The following NRG1 variants were observed in gnomAD, a reference collection of about 807,000 sequenced individuals.
NRG1 encodes the protein pro-neuregulin-1, membrane-bound isoform.
A neutral mutation model predicts 63.8 loss-of-function variants in NRG1; 18 were observed. The ratio of observed to expected loss-of-function variants is 0.28; its 90% CI spans 0.19 to 0.42. NRG1 has a LOEUF of 0.42. Among genes scored for constraint, NRG1 ranks in the 10% least tolerant of loss-of-function variants. The pLI, the probability that NRG1 is intolerant of heterozygous loss-of-function variation, is 1.00. For missense variants in NRG1, 762 were observed against 814.7 expected (o/e 0.94, Z 0.79); for synonymous variants, 302 against 301.3 (o/e 1.00, Z -0.02).
At chr8:32,736,471 A>G (rs1203859580) in intron 6 of NRG1, among the ~76,000 whole-genome samples, 2 of 152,226 alleles carry the variant, frequency 1.3e-5, no homozygotes, top group Admixed American at 6.5e-5. Flanking sequence ...ACAGAGAGAG[A>G]GCAAAGGCTT....
At chr8:32,007,397 A>T (rs770468099) in intron 1 of NRG1, among the ~76,000 whole-genome samples, 9 of 152,044 alleles carry the variant, frequency 5.9e-5, no homozygotes, top group Non-Finnish European at 1.3e-4. Flanking sequence ...ATCCTCTCTA[A>T]ATATCTACTG....
intron 1 of NRG1, among the ~76,000 whole-genome samples, chr8:32,443,082 A>G (rs1376750645): frequency 6.6e-6 from 1 of 151,980 alleles, no homozygotes; most frequent in Non-Finnish European, 1.5e-5. Flanking sequence ...CTACAAGTGG[A>G]TGCCACCATG....
At chr8:32,739,527 ATT>A (rs1479962540) in intron 6 of NRG1, among the ~76,000 whole-genome samples, 1 of 152,160 alleles carries the variant, frequency 6.6e-6, no homozygotes, top group Non-Finnish European at 1.5e-5. Flanking sequence ...TTTCCGTATG[ATT>A]TTATGATAGA....
chr8:32,508,511 C>A (rs980545696), intron 1 of NRG1, among the ~76,000 whole-genome samples: 1 of 151,318 alleles, frequency 6.6e-6, no homozygotes, highest in Non-Finnish European at 1.5e-5. Flanking sequence ...GTTGGCCAGG[C>A]TGGTCTTGAA....
exon 12 of NRG1, chr8:32,764,100 C>T (rs746595961): frequency 3.8e-5 from 61 of 1,614,000 alleles, no homozygotes; most frequent in Non-Finnish European, 4.9e-5. Flanking sequence ...TGTTAAGAAA[C>T]TCGCCAATAG....
chr8:31,887,398 A>G (rs1293574722), intron 1 of NRG1, among the ~76,000 whole-genome samples: 1 of 152,076 alleles, frequency 6.6e-6, no homozygotes, highest in Non-Finnish European at 1.5e-5. Context: ...TTCAGTTATT[A>G]TTATTTGAGC....
intron 1 of NRG1, among the ~76,000 whole-genome samples, chr8:32,137,246 GAC>G (rs1011362065): frequency 2.6e-5 from 4 of 152,084 alleles, no homozygotes; most frequent in African/African-American, 9.7e-5. Context: ...ACGAGTTCAA[GAC>G]CAGCCTGGCC....
chr8:32,088,235 T>G lies in NRG1; in HGVS notation c.37+448804T>G, dbSNP rs564800662. Among the ~76,000 whole-genome samples the G allele has an allele frequency of 3.7e-4, 56 of 152,332 alleles. No individual in the cohort carries two copies. The South Asian group carries it at 0.01, about 28-fold the overall frequency. On this transcript the variant is annotated intron_variant, in intron 1 of 10. Transcript: ENST00000519301. ...ATAAAAGCTCCAAAGCCAGGAACTA[T>G]ATCTTCCTCACTTCCTCATTCTCCA...
intron 5 of NRG1, among the ~76,000 whole-genome samples, chr8:32,654,252 T>A (rs1855786966): frequency 1.3e-5 from 2 of 152,216 alleles, no homozygotes; most frequent in South Asian, 4.1e-4. Flanking sequence ...TTATCATAAT[T>A]TAAAAGATTT....
intron 1 of NRG1, among the ~76,000 whole-genome samples, chr8:32,456,934 C>T (rs1821668347): frequency 1.3e-5 from 2 of 152,090 alleles, no homozygotes. Flanking sequence ...GAGTTCGAGA[C>T]CAGCCTGGCC....
rs138829389 is a variant in NRG1, at chr8:31,866,461, A to C, written c.37+227030A>C. Among the ~76,000 whole-genome samples, 45 of 152,256 alleles carry C rather than the reference A, an allele frequency of 3.0e-4. 1 individual carries two copies. The East Asian group carries it at 8.5e-3, about 29-fold the overall frequency. On this transcript the variant is annotated intron_variant, in intron 1 of 10. Transcript: ENST00000519301. ...TATTAAATACAGCTTGGGGGCAAAG[A>C]AGAGGGATACAATTTGTTGACTTTC... is the stretch of plus-strand genomic sequence containing the variant.
intron 1 of NRG1, among the ~76,000 whole-genome samples, chr8:32,163,516 C>T (rs1481743): frequency 0.46 from 69,650 of 152,062 alleles, 17,780 homozygotes; most frequent in Admixed American, 0.58. Context: ...AGAAAAAGAA[C>T]GTGGGGAAAA....
intron 1 of NRG1, among the ~76,000 whole-genome samples, chr8:31,863,240 TA>T (rs1336520258): frequency 6.6e-6 from 1 of 152,234 alleles, no homozygotes; most frequent in Non-Finnish European, 1.5e-5. Context: ...TTGAAAATAC[TA>T]AACATTCTCA....
chr8:32,646,232 C>A (rs1853505824), intron 5 of NRG1, among the ~76,000 whole-genome samples: 1 of 152,132 alleles, frequency 6.6e-6, no homozygotes, highest in Non-Finnish European at 1.5e-5. Flanking sequence ...CAACCCCTCC[C>A]CTAGCACTCC....
intron 1 of NRG1, among the ~76,000 whole-genome samples, chr8:32,095,229 G>A (rs7007662): frequency 0.39 from 59,855 of 151,934 alleles, 12,790 homozygotes; most frequent in African/African-American, 0.54. Flanking sequence ...ATTTTTTGAT[G>A]TCAGTTATGG....
At chr8:32,459,269 T>G (rs1822004689) in intron 1 of NRG1, among the ~76,000 whole-genome samples, 1 of 152,216 alleles carries the variant, frequency 6.6e-6, no homozygotes. Flanking sequence ...TTTGCCTCAC[T>G]GTCTTCTGAT....
intron 1 of NRG1, among the ~76,000 whole-genome samples, chr8:32,497,996 T>C (rs1827413661): frequency 6.6e-6 from 1 of 152,090 alleles, no homozygotes; most frequent in Admixed American, 6.5e-5. Context: ...GCTAATTTTG[T>C]AGTTTTAGTA....
At chr8:31,854,694 T>C (rs1563486606) in intron 1 of NRG1, among the ~76,000 whole-genome samples, 1 of 152,220 alleles carries the variant, frequency 6.6e-6, no homozygotes, top group South Asian at 2.1e-4. Flanking sequence ...GTTCCTTTAA[T>C]TGTGATGTTA....
At position 32,677,446 on chromosome 8, in the gene NRG1, C is replaced by T. The variant is rs138018815; in HGVS notation, c.503-50503C>T. ...CTGAGCGGGGTGGATCACTTGAGCT[C>T]AGGAGTTTGAGACCAGCCTGAGCAA... On this transcript the variant is annotated intron_variant, in intron 5 of 11. Coordinates refer to ENST00000356819, the Ensembl canonical transcript of NRG1. Among the ~76,000 whole-genome samples the T allele has an allele frequency of 5.7e-4, 86 of 152,190 alleles. No individual in the cohort carries two copies. The East Asian group carries it at 0.016, about 28-fold the overall frequency.
Sources: allele counts gnomAD v4.1 joint callset (sites outside exome capture counted in the v4.1 genomes callset), GRCh38; gene constraint gnomAD v4.1.1; transcripts MANE v1.5; gene names NCBI Gene and HGNC (gene_info 2026-07-23, HGNC 2026-07-21).